The following CABIN1 variants were observed in gnomAD, a reference collection of about 807,000 sequenced individuals.
CABIN1 encodes calcineurin-binding protein cabin-1.
A neutral mutation model predicts 227.7 loss-of-function variants in CABIN1; 133 were observed. The ratio of observed to expected loss-of-function variants is 0.58; its 90% confidence interval spans 0.51 to 0.67. CABIN1 has a LOEUF of 0.67. Ranked by LOEUF, CABIN1 falls within the 30% of genes least tolerant of loss-of-function variation. CABIN1 has a pLI of 0.00. For synonymous variants in CABIN1, 1,086 were observed against 1,155.1 expected, an observed-to-expected ratio of 0.94 and a Z score of 1.21; for missense variants, 2,408 against 2,852.5, an observed-to-expected ratio of 0.84 and a Z score of 3.55.
chr22:24,127,360 T>A (rs944496757), intron 28 of CABIN1, among the ~76,000 whole-genome samples: 1 of 152,022 alleles, frequency 6.6e-6, no homozygotes, highest in African/African-American at 2.4e-5. Context: ...CTGATCAAAT[T>A]CCCTCAGTCA....
At chr22:24,147,450 TTTC>T (rs1234970453) in intron 29 of CABIN1, among the ~76,000 whole-genome samples, 1 of 149,758 alleles carries the variant, frequency 6.7e-6, no homozygotes, top group East Asian at 2.0e-4. Context: ...TCTTTCTTTC[TTTC>T]TTTTTTTTTT....
intron 29 of CABIN1, among the ~76,000 whole-genome samples, chr22:24,135,894 G>T (rs951307666): frequency 2.2e-4 from 34 of 152,296 alleles, no homozygotes; most frequent in African/African-American, 7.5e-4. Flanking sequence ...CTGGATCCAT[G>T]GCTCCTCCTC....
intron 29 of CABIN1, among the ~76,000 whole-genome samples, chr22:24,138,108 G>T (rs1390730839): frequency 6.6e-6 from 1 of 152,206 alleles, no homozygotes; most frequent in Non-Finnish European, 1.5e-5. Flanking sequence ...CATCCTTAGA[G>T]CTTGGGTGGG....
chr22:24,060,698 A>C (rs772380729), intron 12 of CABIN1, among the ~76,000 whole-genome samples: 11 of 151,810 alleles, frequency 7.2e-5, no homozygotes, highest in Non-Finnish European at 1.5e-4. Flanking sequence ...TGCAGCTTCA[A>C]CCTCCTGGGC....
At chr22:24,161,788 A>G (rs1169032504) in intron 29 of CABIN1, among the ~76,000 whole-genome samples, 3 of 152,130 alleles carry the variant, frequency 2.0e-5, no homozygotes, top group African/African-American at 7.2e-5. Context: ...CTGCTGTGGC[A>G]GTTGGAACCT....
intron 26 of CABIN1, chr22:24,098,400 C>A: frequency 9.2e-7 from 1 of 1,083,146 alleles, no homozygotes; most frequent in Non-Finnish European, 1.3e-6. Flanking sequence ...CACCTGCCAG[C>A]TTGCCCACCT....
intron 34 of CABIN1, among the ~76,000 whole-genome samples, chr22:24,174,545 G>T (rs189912673): frequency 6.6e-6 from 1 of 152,046 alleles, no homozygotes; most frequent in Non-Finnish European, 1.5e-5. Context: ...TCTGCCTGGG[G>T]CTGTCTTGCC....
chr22:24,141,921 C>A (rs562837436), intron 29 of CABIN1, among the ~76,000 whole-genome samples: 324 of 152,238 alleles, frequency 2.1e-3, no homozygotes, highest in Non-Finnish European at 3.3e-3. Flanking sequence ...TCACTGAAGG[C>A]CTTGATGTGG....
At chr22:24,123,916 A>T (rs139782526) in intron 28 of CABIN1, among the ~76,000 whole-genome samples, 1 of 152,330 alleles carries the variant, frequency 6.6e-6, no homozygotes, top group East Asian at 1.9e-4. Context: ...AAAGGGGCCC[A>T]CAAGCAGAGC....
At chr22:24,158,654 G>A (rs1330428239) in intron 29 of CABIN1, among the ~76,000 whole-genome samples, 1 of 151,990 alleles carries the variant, frequency 6.6e-6, no homozygotes, top group Non-Finnish European at 1.5e-5. Flanking sequence ...CTTGGCCGAC[G>A]CTTCTTCTCT....
intron 10 of CABIN1, among the ~76,000 whole-genome samples, chr22:24,057,232 G>A (rs1449610442): frequency 3.4e-5 from 5 of 146,296 alleles, no homozygotes; most frequent in African/African-American, 7.3e-5. Context: ...CACGGCGCCC[G>A]GCCAGTCCTT....
At position 24,177,566 on chromosome 22, in the gene CABIN1, C is replaced by T. The variant is rs1459581653; in HGVS notation, c.6268C>T (p.Gln2090Ter). Residue 2090 changes from glutamine to a stop codon, truncating the protein, a stop_gained, in exon 36 of 37, where the codon CAG (glutamine) becomes TAG (stop). Coordinates refer to ENST00000263119, the MANE Select transcript of CABIN1 (RefSeq NM_012295.4). LOFTEE classifies it high-confidence loss of function. This position sits in a 1 kb window ranked among gnomAD's most constrained non-coding sequence, Gnocchi z 4.4. ...GGCTCAGGAGGCTGCGAGTGAGACTCAGCCCCTGAGCTCTCCCCCAACAGC... is the reference window on the plus strand; with the variant it reads ...GGCTCAGGAGGCTGCGAGTGAGACTTAGCCCCTGAGCTCTCCCCCAACAGC... ...GEAQEAASET[Q>*]PLSSPPTAAS... The T allele has an allele frequency of 6.3e-7, 1 of 1,591,376 alleles. No homozygotes were observed. Among genetic ancestry groups the T allele is most frequent in the Non-Finnish European group, 8.6e-7 (1 of 1,164,590 alleles).
chr22:24,018,218 G>T lies in CABIN1; in HGVS notation c.-75+6851G>T, dbSNP rs756931751. ...TATTAGTCCCTTGTCAGTGGTATAT[G>T]TTGCAAATATTTTCTCCCAATTTGT... On this transcript the variant is annotated intron_variant, in intron 1 of 36. Transcript: ENST00000263119. Among the ~76,000 whole-genome samples the T allele has an allele frequency of 2.2e-4, 34 of 152,158 alleles. 1 individual carries two copies. Among genetic ancestry groups the T allele is most frequent in the Non-Finnish European group, 4.7e-4 (32 of 67,984 alleles).
chr22:24,074,792 A>G (rs1434558436), intron 18 of CABIN1, among the ~76,000 whole-genome samples: 1 of 152,254 alleles, frequency 6.6e-6, no homozygotes, highest in Non-Finnish European at 1.5e-5. Flanking sequence ...GGAAAATCGT[A>G]GAACTGAGGA....
chr22:24,111,573 A>G (rs949983237), intron 26 of CABIN1, among the ~76,000 whole-genome samples: 1 of 152,260 alleles, frequency 6.6e-6, no homozygotes, highest in East Asian at 1.9e-4. Context: ...ATTGTCTTCC[A>G]TGAAACTGGC....
intron 29 of CABIN1, among the ~76,000 whole-genome samples, chr22:24,141,035 T>C (rs1399901239): frequency 1.3e-5 from 2 of 152,202 alleles, no homozygotes; most frequent in East Asian, 3.9e-4. Context: ...CATCACACAC[T>C]TGGCATGCCA....
chr22:24,038,278 A>T, intron 3 of CABIN1, 70 bp from the exon 4 acceptor site: 1 of 1,222,058 alleles, frequency 8.2e-7, no homozygotes, highest in Non-Finnish European at 1.2e-6. Context: ...GCCCCGCCTT[A>T]CACACATTTT....
intron 29 of CABIN1, among the ~76,000 whole-genome samples, chr22:24,146,141 A>G (rs1229953136): frequency 1.3e-5 from 2 of 152,218 alleles, no homozygotes. Flanking sequence ...AAGAAAGAAA[A>G]AAGTTTAAAT....
Position 24,177,878 on chromosome 22 carries a change from C to A in CABIN1, c.6519+61C>A. 2 of 1,551,216 alleles carry A rather than the reference C, an allele frequency of 1.3e-6. No homozygotes were observed. The highest frequency in any genetic ancestry group is 1.2e-5 in the South Asian group (1 of 86,000). On this transcript the variant is annotated intron_variant, in intron 36 of 36. Coordinates refer to ENST00000263119, the MANE Select transcript of CABIN1 (RefSeq NM_012295.4). This position sits in a 1 kb window ranked among gnomAD's most constrained non-coding sequence, Gnocchi z 4.4. The stretch of plus-strand genomic sequence containing the variant: ...TGGGAGGCATAGGTTACAAAGGGGG[C>A]CTAGGATGGGGGTGGGGGTGGCAGG...
Sources: gnomAD v4.1 joint callset for allele counts (sites outside exome capture counted in the v4.1 genomes callset) on GRCh38, gnomAD v4.1.1 for gene constraint, Gnocchi (gnomAD v3.1) non-coding constraint, MANE v1.5 for transcripts, NCBI Gene and HGNC (gene_info 2026-07-23, HGNC 2026-07-21) for gene names.